The following SRGAP3 variants were observed in gnomAD, a reference collection of about 807,000 sequenced individuals.
SRGAP3 encodes SLIT-ROBO Rho GTPase-activating protein 3.
A neutral mutation model predicts 121.1 loss-of-function variants in SRGAP3; 39 were observed. That is an observed-to-expected ratio of 0.32 (90% CI 0.25 to 0.42). The LOEUF (loss-of-function observed/expected upper bound fraction) is 0.42. Among genes scored for constraint, SRGAP3 ranks in the 10% least tolerant of loss-of-function variants. The probability of loss-of-function intolerance (pLI) is 1.00; values close to 1 mark genes in which losing one functional copy is unlikely to be tolerated. For missense variants in SRGAP3, 1,213 were observed against 1,470.6 expected, an observed-to-expected ratio of 0.82 and a Z score of 2.86; for synonymous variants, 601 against 570.0, an observed-to-expected ratio of 1.05 and a Z score of -0.77.
intron 11 of SRGAP3, among the ~76,000 whole-genome samples, chr3:9,033,267 T>C (rs754385856): frequency 1.3e-5 from 2 of 152,220 alleles, no homozygotes; most frequent in Admixed American, 1.3e-4. Context: ...CTTTACTTCA[T>C]TGATCTAAGA....
At chr3:9,216,343 A>AT (rs35912132) in intron 1 of SRGAP3, among the ~76,000 whole-genome samples, 17,085 of 152,212 alleles carry the variant, frequency 0.11, 1,063 homozygotes, top group South Asian at 0.18. Flanking sequence ...TACTACCAGC[A>AT]TTTAACGGGC....
chr3:9,015,831 G>A, intron 14 of SRGAP3, 100 bp from the exon 15 acceptor site: 1 of 1,479,018 alleles, frequency 6.8e-7, no homozygotes, highest in Non-Finnish European at 9.4e-7. Flanking sequence ...TGAACCACAG[G>A]AAAGGCAGAT....
chr3:9,112,495 A>G (rs1209121977), intron 2 of SRGAP3, among the ~76,000 whole-genome samples: 5 of 152,264 alleles, frequency 3.3e-5, no homozygotes, highest in African/African-American at 1.2e-4. Flanking sequence ...TGGAGCTTAC[A>G]GTCTAGTGGG....
At chr3:9,174,199 G>A (rs948400739) in intron 1 of SRGAP3, among the ~76,000 whole-genome samples, 1 of 152,210 alleles carries the variant, frequency 6.6e-6, no homozygotes, top group African/African-American at 2.4e-5. Context: ...GAGGGAATGA[G>A]GAGTTATTGT....
chr3:9,044,293 C>T (rs1004672964), intron 10 of SRGAP3, among the ~76,000 whole-genome samples: 41 of 152,186 alleles, frequency 2.7e-4, no homozygotes, highest in African/African-American at 7.2e-5. Flanking sequence ...GTACCAAATC[C>T]TACATGTCCT....
chr3:8,997,099 G>A (rs1041025827), intron 18 of SRGAP3, among the ~76,000 whole-genome samples: 7 of 152,124 alleles, frequency 4.6e-5, no homozygotes, highest in Non-Finnish European at 8.8e-5. Flanking sequence ...TGTGTGTGGT[G>A]GAAACAGTAA....
chr3:9,296,436 C>T (rs1305986502), intron 3 of SRGAP3, among the ~76,000 whole-genome samples: 1 of 152,222 alleles, frequency 6.6e-6, no homozygotes, highest in Admixed American at 6.5e-5. Flanking sequence ...TTATCCCATT[C>T]ATTTCTAGAA....
At chr3:9,231,361 G>C (rs1559229693) in intron 1 of SRGAP3, among the ~76,000 whole-genome samples, 1 of 152,230 alleles carries the variant, frequency 6.6e-6, no homozygotes, top group Non-Finnish European at 1.5e-5. Context: ...CCATTTGGCA[G>C]TAATGAGGAT....
intron 13 of SRGAP3, among the ~76,000 whole-genome samples, chr3:9,025,984 C>T (rs1798698): frequency 0.16 from 23,636 of 152,102 alleles, 2,363 homozygotes; most frequent in Admixed American, 0.3. Flanking sequence ...TCAATAAATG[C>T]TTCTTCATCT....
chr3:9,103,171 G>C (rs1457918789), intron 3 of SRGAP3, among the ~76,000 whole-genome samples: 1 of 152,180 alleles, frequency 6.6e-6, no homozygotes, highest in Non-Finnish European at 1.5e-5. Flanking sequence ...TGCTATAGAA[G>C]TAATCCTCAA....
chr3:9,278,948 C>G (rs900025714), intron 3 of SRGAP3, among the ~76,000 whole-genome samples: 8 of 152,104 alleles, frequency 5.3e-5, no homozygotes, highest in South Asian at 2.1e-4. Flanking sequence ...TAGTAGCCCC[C>G]ACCTCCACAT....
intron 3 of SRGAP3, among the ~76,000 whole-genome samples, chr3:9,268,630 C>T (rs180989902): frequency 3.3e-5 from 5 of 152,134 alleles, no homozygotes; most frequent in East Asian, 1.9e-4. Flanking sequence ...ACCCACAAGC[C>T]GAGGACCCAG....
At chr3:9,320,916 G>A (rs998545676) in intron 3 of SRGAP3, among the ~76,000 whole-genome samples, 1 of 151,788 alleles carries the variant, frequency 6.6e-6, no homozygotes, top group South Asian at 2.1e-4. Context: ...TATATATAGT[G>A]TGTATATACA....
intron 1 of SRGAP3, among the ~76,000 whole-genome samples, chr3:9,352,722 G>A (rs2030258639): frequency 6.6e-6 from 1 of 152,200 alleles, no homozygotes; most frequent in Non-Finnish European, 1.5e-5. Flanking sequence ...GGCCACCTTG[G>A]TGTGCGTTTG....
intron 1 of SRGAP3, among the ~76,000 whole-genome samples, chr3:9,351,970 C>T (rs563544235): frequency 6.6e-6 from 1 of 152,272 alleles, no homozygotes; most frequent in African/African-American, 2.4e-5. Context: ...CTGGAAACAA[C>T]GGCAGCTGGG....
intron 1 of SRGAP3, among the ~76,000 whole-genome samples, chr3:9,247,313 C>T (rs1953859468): frequency 6.6e-6 from 1 of 152,252 alleles, no homozygotes; most frequent in East Asian, 1.9e-4. Context: ...GCTGAGACAT[C>T]GTAAGTCACT....
chr3:9,000,775 A>C lies in SRGAP3; in HGVS notation c.2228-6252T>G, dbSNP rs115130391. 7.8e-3 allele frequency among the ~76,000 whole-genome samples: 1,189 copies of C among 152,318 alleles called. 16 individuals are homozygous for C. Among genetic ancestry groups the C allele is most frequent in the African/African-American group, 0.027 (1,135 of 41,566 alleles). On this transcript the variant is annotated intron_variant, in intron 18 of 21. Transcript: ENST00000383836. ...AATGGGGACAGAATTTGACTGCATT[A>C]ATCTGTAGAGCAATTTAGGACCAAG... is the stretch of plus-strand genomic sequence containing the variant.
At chr3:9,355,814 G>A (rs2030466047) in intron 1 of SRGAP3, 1 of 152,206 alleles carries the variant, frequency 6.6e-6, no homozygotes, top group Non-Finnish European at 1.5e-5. Flanking sequence ...TCTGGAGGCT[G>A]GAAAGTCCAA....
intron 3 of SRGAP3, among the ~76,000 whole-genome samples, chr3:9,086,555 G>A (rs1947485080): frequency 6.7e-6 from 1 of 148,510 alleles, no homozygotes; most frequent in Non-Finnish European, 1.5e-5. Context: ...ATACGTATGT[G>A]TGTATATATG....
Sources: allele counts gnomAD v4.1 joint callset (sites outside exome capture counted in the v4.1 genomes callset), GRCh38; gene constraint gnomAD v4.1.1; transcripts MANE v1.5; gene names NCBI Gene and HGNC (gene_info 2026-07-23, HGNC 2026-07-21).